Variants in ATP13A4 observed in about 807,000 individuals in gnomAD.
The protein encoded by ATP13A4 is ATPase 13A4.
A neutral mutation model predicts 142.5 loss-of-function variants in ATP13A4; 114 were observed. The ratio of observed to expected loss-of-function variants is 0.80; its 90% CI spans 0.69 to 0.93. The LOEUF is 0.93. Ranked by LOEUF, ATP13A4 falls within the 40% of genes least tolerant of loss-of-function variation. ATP13A4 has a pLI of 0.00. For missense variants in ATP13A4, 1,392 were observed against 1,454.0 expected (o/e 0.96, Z 0.69); for synonymous variants, 488 against 514.8 (o/e 0.95, Z 0.70).
At chr3:193,562,281 A>G (rs1171652827) in intron 2 of ATP13A4, among the ~76,000 whole-genome samples, 2 of 152,224 alleles carry the variant, frequency 1.3e-5, no homozygotes, top group Admixed American at 6.5e-5. Flanking sequence ...CTACTTTAAA[A>G]ATAAAAAGGA....
At chr3:193,417,858 C>G (rs577659070) in intron 25 of ATP13A4, among the ~76,000 whole-genome samples, 5 of 148,044 alleles carry the variant, frequency 3.4e-5, no homozygotes, top group African/African-American at 5.0e-5. Flanking sequence ...CGCGGTGGCT[C>G]ACGCCTGTAA....
At chr3:193,516,985 T>C (rs896954467) in intron 1 of ATP13A4, among the ~76,000 whole-genome samples, 6 of 152,224 alleles carry the variant, frequency 3.9e-5, no homozygotes, top group African/African-American at 1.2e-4. Context: ...CTAACACTTA[T>C]TGGGCACTTA....
chr3:193,481,318 G>A (rs753113615), intron 8 of ATP13A4, among the ~76,000 whole-genome samples: 4 of 152,108 alleles, frequency 2.6e-5, no homozygotes, highest in Non-Finnish European at 5.9e-5. Context: ...TTAATTGGTT[G>A]GTTACATCAC....
Position 193,467,487 on chromosome 3 carries a change from C to T in ATP13A4, c.944-1G>A, listed in dbSNP as rs1288934263. On this transcript the variant is annotated splice_acceptor_variant, in intron 9 of 29. Transcript: ENST00000342695. LOFTEE classifies it high-confidence loss of function. ...GTTTTGGTGACTGGAATACTTTCTC[C>T]TACAGAAAACAAGCATCTTGTTTTG... The T allele has an allele frequency of 1.2e-6, 2 of 1,613,072 alleles. No homozygotes were observed. Among genetic ancestry groups the T allele is most frequent in the Non-Finnish European group, 1.7e-6 (2 of 1,179,798 alleles).
At chr3:193,421,163 G>T (rs1272025644) in intron 25 of ATP13A4, among the ~76,000 whole-genome samples, 1 of 149,780 alleles carries the variant, frequency 6.7e-6, no homozygotes, top group Non-Finnish European at 1.5e-5. Context: ...TTTAAAAGCA[G>T]CAAGAGAAAA....
intron 2 of ATP13A4, among the ~76,000 whole-genome samples, chr3:193,573,276 C>CTTATAT (rs745558107): frequency 2.6e-5 from 2 of 77,840 alleles, no homozygotes; most frequent in Admixed American, 1.2e-4. Context: ...TATATATATA[C>CTTATAT]ATATATATAT....
At chr3:193,545,142 T>C (rs1723150222) in intron 1 of ATP13A4, among the ~76,000 whole-genome samples, 1 of 152,198 alleles carries the variant, frequency 6.6e-6, no homozygotes, top group Admixed American at 6.5e-5. Flanking sequence ...TCTTGGATAG[T>C]TTTGTTTTAG....
rs537237630 is a variant in ATP13A4, at chr3:193,538,008, C to A, written c.60+16732G>T. ...AAAAAAACAAAATGGAGTTTCCTCG[C>A]GGTGATGGAAACATTCTGTGTCTTG... On this transcript the variant is annotated intron_variant, in intron 1 of 29. Transcript: ENST00000342695. 2.2e-4 allele frequency among the ~76,000 whole-genome samples: 34 copies of A among 152,078 alleles called. 1 individual carries two copies. In the East Asian group the frequency reaches 6.4e-3, roughly 28 times the overall value.
chr3:193,402,422 C>T lies in ATP13A4; in HGVS notation c.*230G>A, dbSNP rs1262398672. 2.0e-6 allele frequency: 1 copy of T among 509,218 alleles called. No individual in the cohort carries two copies. The highest frequency in any genetic ancestry group is 3.5e-6 in the Non-Finnish European group (1 of 282,872). The allele number at this position is 509,218 out of a possible 1,614,324, so 31.5% of individuals were successfully genotyped here. ...GAAATTCTTGGCCCATTCTTGCCTTCACTGAATGCCTCTAATACCTTCAGA... is the reference window on the plus strand; with the variant it reads ...GAAATTCTTGGCCCATTCTTGCCTTTACTGAATGCCTCTAATACCTTCAGA... On this transcript the variant is annotated 3_prime_UTR_variant, in exon 30 of 30. Transcript: ENST00000342695.
chr3:193,462,461 A>T (rs548203562), intron 13 of ATP13A4, among the ~76,000 whole-genome samples: 1 of 152,136 alleles, frequency 6.6e-6, no homozygotes, highest in Non-Finnish European at 1.5e-5. Context: ...TAAATTACTT[A>T]TACTGCGTCA....
Position 193,489,774 on chromosome 3 carries a change from T to C in ATP13A4, c.694A>G (p.Met232Val). The C allele has an allele frequency of 6.2e-7, 1 of 1,611,188 alleles. No individual in the cohort carries two copies. The highest frequency in any genetic ancestry group is 2.2e-5 in the East Asian group (1 of 44,828). Residue 232 changes from methionine (M) to valine (V), a missense_variant, in exon 7 of 30, where the codon ATG (methionine) becomes GTG (valine). Physicochemically the swap from Met to Val is conservative, Grantham distance 21. Transcript: ENST00000342695. ...YKEYAFAIII[M>V]SIISISLTVY... ...GTCAAAGATATGGAAATTATGGACA[T>C]GATTATGATGGCAAAAGCATATTCC...
At position 193,457,409 on chromosome 3, in the gene ATP13A4, C is replaced by G. The variant is rs199804613; in HGVS notation, c.1731G>C (p.Met577Ile). Reference sequence around the variant, plus strand: ...TGGCTGTTCTGCAGGGCTTAACTACCATGGCATGTGCCGGCACTCCCTTGA... The same window carrying G: ...TGGCTGTTCTGCAGGGCTTAACTACGATGGCATGTGCCGGCACTCCCTTGA... Reference protein sequence around the residue: ...FHIKGVPAHAMVVKPCRTASQ... With the variant: ...FHIKGVPAHAIVVKPCRTASQ... The change falls in exon 15 of 30, where the codon ATG (methionine) becomes ATC (isoleucine). Residue 577 changes from methionine to isoleucine, a missense_variant. By Grantham distance (10) the Met-to-Ile change is conservative. Coordinates refer to ENST00000342695, the MANE Select transcript of ATP13A4 (RefSeq NM_032279.4). 1.2e-6 allele frequency: 2 copies of G among 1,614,196 alleles called. No homozygotes were observed. Among genetic ancestry groups the G allele is most frequent in the East Asian group, 2.2e-5 (1 of 44,870 alleles).
chr3:193,479,340 C>T (rs1040588768), intron 8 of ATP13A4, among the ~76,000 whole-genome samples: 26 of 152,090 alleles, frequency 1.7e-4, no homozygotes, highest in East Asian at 1.9e-4. Flanking sequence ...TGCTGTTCAT[C>T]GATGATATGA....
intron 8 of ATP13A4, among the ~76,000 whole-genome samples, chr3:193,483,060 G>A (rs943035837): frequency 1.1e-4 from 16 of 151,824 alleles, no homozygotes; most frequent in Non-Finnish European, 2.4e-4. Context: ...AGAAATAAAA[G>A]GAATCAATGA....
chr3:193,570,966 T>C (rs574148111), intron 2 of ATP13A4, among the ~76,000 whole-genome samples: 127 of 152,132 alleles, frequency 8.3e-4, no homozygotes, highest in African/African-American at 2.5e-3. Context: ...CCAGACATGG[T>C]TGTAAAAGCA....
intron 17 of ATP13A4, among the ~76,000 whole-genome samples, chr3:193,450,478 G>A (rs1717212788): frequency 2.0e-5 from 3 of 152,232 alleles, no homozygotes; most frequent in Admixed American, 2.0e-4. Flanking sequence ...TAGTAGCAGA[G>A]ACTGGGAAAA....
intron 25 of ATP13A4, among the ~76,000 whole-genome samples, chr3:193,429,499 G>T (rs1715856128): frequency 6.6e-6 from 1 of 151,934 alleles, no homozygotes; most frequent in Non-Finnish European, 1.5e-5. Context: ...GTTACAAAAT[G>T]GATTATACTA....
intron 1 of ATP13A4, among the ~76,000 whole-genome samples, chr3:193,528,430 A>T (rs1368721160): frequency 6.6e-6 from 1 of 152,180 alleles, no homozygotes; most frequent in African/African-American, 2.4e-5. Flanking sequence ...ACTGACAGAA[A>T]AGGGGCCCTG....
intron 29 of ATP13A4, chr3:193,404,278 G>T: frequency 7.1e-6 from 3 of 423,110 alleles, no homozygotes; most frequent in Non-Finnish European, 9.5e-6. Context: ...CACACACAGA[G>T]AGAGAAACTT....
Sources: gnomAD v4.1 joint callset for allele counts (sites outside exome capture counted in the v4.1 genomes callset) on GRCh38, gnomAD v4.1.1 for gene constraint, MANE v1.5 for transcripts, NCBI Gene and HGNC (gene_info 2026-07-23, HGNC 2026-07-21) for gene names.